The following LRRC4C variants were observed in gnomAD, a reference collection of about 807,000 sequenced individuals.
LRRC4C encodes leucine-rich repeat-containing protein 4C.
In LRRC4C, 5 loss-of-function variants were observed where a neutral mutation model predicts 33.6. The observed-to-expected ratio is 0.15, with a 90% CI of 0.08 to 0.31. The LOEUF is 0.31. Ranked by LOEUF, LRRC4C falls within the 10% of genes least tolerant of loss-of-function variation. The probability of loss-of-function intolerance (pLI) is 1.00; values close to 1 mark genes in which losing one functional copy is unlikely to be tolerated. For missense variants in LRRC4C, 560 were observed against 796.7 expected, an observed-to-expected ratio of 0.70 and a Z score of 3.58; for synonymous variants, 329 against 302.0, an observed-to-expected ratio of 1.09 and a Z score of -0.93.
chr11:40,202,319 C>A, intron 5 of LRRC4C, among the ~76,000 whole-genome samples: 1 of 148,652 alleles, frequency 6.7e-6, no homozygotes, highest in East Asian at 2.0e-4. Flanking sequence ...TTTTTAATAG[C>A]TGATTAACAA....
chr11:40,340,299 A>C (rs2137003868), intron 3 of LRRC4C, among the ~76,000 whole-genome samples: 1 of 152,262 alleles, frequency 6.6e-6, no homozygotes, highest in South Asian at 2.1e-4. Context: ...CCAACAGGCC[A>C]TGTACAGTTC....
chr11:41,457,702 T>C (rs1447397826), intron 1 of LRRC4C, among the ~76,000 whole-genome samples: 1 of 152,060 alleles, frequency 6.6e-6, no homozygotes, highest in African/African-American at 2.4e-5. Context: ...AATATCATGA[T>C]CATAAATCAT....
rs1268535124 is a variant in LRRC4C at position 40,741,490 on chromosome 11, G to T, written c.-406-93212C>A. Among the ~76,000 whole-genome samples, 4 of 152,032 alleles carry T rather than the reference G, an allele frequency of 2.6e-5. No individual in the cohort carries two copies. The East Asian group carries it at 7.8e-4, about 29-fold the overall frequency. ...CAAGACCTTAGCATAAATCCAAATT[G>T]GATCCAAGCCTTAATTTCAATGCTC... On this transcript the variant is annotated intron_variant, in intron 2 of 6. Coordinates refer to ENST00000528697, the MANE Select transcript of LRRC4C (RefSeq NM_001258419.2).
At chr11:40,563,431 A>C (rs1020582710) in intron 3 of LRRC4C, among the ~76,000 whole-genome samples, 1 of 152,190 alleles carries the variant, frequency 6.6e-6, no homozygotes, top group African/African-American at 2.4e-5. Flanking sequence ...AACAACACCT[A>C]CAAGGACGGT....
chr11:41,351,285 T>C (rs536915795), intron 1 of LRRC4C, among the ~76,000 whole-genome samples: 3 of 150,838 alleles, frequency 2.0e-5, no homozygotes, highest in East Asian at 1.9e-4. Context: ...ATTTTCCACA[T>C]AGACAAAAAA....
chr11:40,988,749 T>C lies in LRRC4C; in HGVS notation c.-495-55026A>G, dbSNP rs533885217. Among the ~76,000 whole-genome samples, 13 of 139,856 alleles carry C rather than the reference T, an allele frequency of 9.3e-5. No homozygotes were observed. In the South Asian group the frequency reaches 2.9e-3, roughly 31 times the overall value. The allele number at this position is 139,856 out of a possible 152,430, so 91.8% of individuals were successfully genotyped here. On this transcript the variant is annotated intron_variant, in intron 1 of 6. Coordinates refer to ENST00000528697, the MANE Select transcript of LRRC4C (RefSeq NM_001258419.2). ...TTTTTTTTTTTGAGACAGAGTGTCGTTAGGTCGCCCAGGCTGGAGTGCAGT... is the reference window on the plus strand; with the variant it reads ...TTTTTTTTTTTGAGACAGAGTGTCGCTAGGTCGCCCAGGCTGGAGTGCAGT...
intron 3 of LRRC4C, among the ~76,000 whole-genome samples, chr11:40,380,673 T>C (rs1412720221): frequency 6.6e-6 from 1 of 152,222 alleles, no homozygotes; most frequent in Non-Finnish European, 1.5e-5. Flanking sequence ...CTTCCTCTTT[T>C]ACTGTGTAAG....
At chr11:41,307,876 A>G (rs1950546311) in intron 1 of LRRC4C, among the ~76,000 whole-genome samples, 1 of 152,202 alleles carries the variant, frequency 6.6e-6, no homozygotes, top group Non-Finnish European at 1.5e-5. Flanking sequence ...GAAACTATGA[A>G]GATTTCCTTT....
At chr11:41,008,337 A>C (rs553736794) in intron 1 of LRRC4C, among the ~76,000 whole-genome samples, 17 of 152,194 alleles carry the variant, frequency 1.1e-4, no homozygotes, top group Non-Finnish European at 2.4e-4. Flanking sequence ...AAAACCCTAC[A>C]TTATCTGTCC....
chr11:41,057,876 G>A (rs528089094), intron 1 of LRRC4C, among the ~76,000 whole-genome samples: 1 of 152,250 alleles, frequency 6.6e-6, no homozygotes, highest in South Asian at 2.1e-4. Context: ...GTAGCCGAGA[G>A]GAGCTACCCT....
chr11:41,079,772 GA>G (rs1939425887), intron 1 of LRRC4C, among the ~76,000 whole-genome samples: 1 of 152,150 alleles, frequency 6.6e-6, no homozygotes, highest in South Asian at 2.1e-4. Context: ...ACTTTATGAG[GA>G]TTTTTTTTGT....
intron 4 of LRRC4C, among the ~76,000 whole-genome samples, chr11:40,276,674 AGTGTGTGTGTGTGTGTGTGTGTGT>A (rs56155922): frequency 2.0e-4 from 25 of 127,552 alleles, no homozygotes; most frequent in Non-Finnish European, 2.7e-4. Context: ...GTGGGAAACA[AGTGTGTGTGTGTGTGTGTGTGTGT>A]GTGTGTGTGT....
intron 1 of LRRC4C, among the ~76,000 whole-genome samples, chr11:41,228,510 A>G (rs1947643004): frequency 6.6e-6 from 1 of 152,136 alleles, no homozygotes; most frequent in African/African-American, 2.4e-5. Context: ...TGATTGCAAT[A>G]GATATCTCAT....
At chr11:41,391,809 A>G (rs1384129460) in intron 1 of LRRC4C, among the ~76,000 whole-genome samples, 1 of 151,944 alleles carries the variant, frequency 6.6e-6, no homozygotes, top group Non-Finnish European at 1.5e-5. Context: ...ATATTTTTAC[A>G]TTATCTCAAA....
chr11:41,405,366 T>C (rs545730728), intron 1 of LRRC4C, among the ~76,000 whole-genome samples: 5 of 152,166 alleles, frequency 3.3e-5, no homozygotes, highest in Non-Finnish European at 7.4e-5. Context: ...GAAAGTTTCT[T>C]CCCTGTGTCA....
intron 1 of LRRC4C, among the ~76,000 whole-genome samples, chr11:41,410,732 G>T (rs1039632556): frequency 1.3e-5 from 2 of 152,054 alleles, no homozygotes; most frequent in Non-Finnish European, 2.9e-5. Context: ...GAGCCACCGC[G>T]CCTGGCCGAG....
intron 3 of LRRC4C, among the ~76,000 whole-genome samples, chr11:40,505,816 AT>A (rs1023679587): frequency 1.1e-4 from 17 of 152,070 alleles, no homozygotes; most frequent in African/African-American, 4.1e-4. Flanking sequence ...AAGAAATATC[AT>A]TTTTGACCTC....
chr11:41,017,851 G>T (rs1454522431), intron 1 of LRRC4C, among the ~76,000 whole-genome samples: 1 of 151,204 alleles, frequency 6.6e-6, no homozygotes, highest in African/African-American at 2.4e-5. Context: ...TGATCTAAGA[G>T]AGCTATATTA....
chr11:40,209,758 A>G (rs1197269789), intron 5 of LRRC4C, among the ~76,000 whole-genome samples: 2 of 152,174 alleles, frequency 1.3e-5, no homozygotes, highest in Admixed American at 1.3e-4. Context: ...CAACAACAAA[A>G]ACGCTTTGCA....
Sources: allele counts gnomAD v4.1 joint callset (sites outside exome capture counted in the v4.1 genomes callset), GRCh38; gene constraint gnomAD v4.1.1; transcripts MANE v1.5; gene names NCBI Gene and HGNC (gene_info 2026-07-23, HGNC 2026-07-21).